Variants in KCNQ1 observed in about 807,000 individuals in gnomAD.
The protein encoded by KCNQ1 is potassium voltage-gated channel subfamily Q member 1, also known as potassium voltage-gated channel subfamily KQT member 1.
Under a neutral mutation model 72.4 loss-of-function variants are expected in KCNQ1, and 49 were observed. The ratio of observed to expected loss-of-function variants is 0.68; its 90% CI spans 0.54 to 0.86. The LOEUF is 0.86. Among genes scored for constraint, KCNQ1 ranks in the 40% least tolerant of loss-of-function variants. The pLI is 0.00. For missense variants in KCNQ1, 790 were observed against 945.1 expected, an observed-to-expected ratio of 0.84 and a Z score of 2.15; for synonymous variants, 450 against 412.6, an observed-to-expected ratio of 1.09 and a Z score of -1.10.
Position 2,687,626 on chromosome 11 carries a change from C to T in KCNQ1, c.1514+25545C>T. 2.5e-6 allele frequency: 1 copy of T among 398,722 alleles called. No homozygotes were observed. Among genetic ancestry groups the T allele is most frequent in the Non-Finnish European group, 4.4e-6 (1 of 226,148 alleles). 24.7% of individuals were successfully genotyped at this position (398,722 alleles called of 1,614,324 possible). On this transcript the variant is annotated intron_variant, in intron 11 of 15. Transcript: ENST00000155840. The surrounding 1 kb of genome is among the most constrained non-coding windows in gnomAD (Gnocchi z 5.0). ...GGGCAGAGATCCCTTCTCCATTCCTCTCAGGCCCCTGTAAAAATTGGGACC... is the reference window on the plus strand; with the variant it reads ...GGGCAGAGATCCCTTCTCCATTCCTTTCAGGCCCCTGTAAAAATTGGGACC...
intron 15 of KCNQ1, among the ~76,000 whole-genome samples, chr11:2,821,214 C>G (rs905758903): frequency 2.6e-5 from 4 of 152,250 alleles, no homozygotes; most frequent in African/African-American, 7.2e-5. Context: ...AAGCCTGGTG[C>G]TCTGTGCGAG....
At chr11:2,662,406 A>G (rs1223755977) in intron 11 of KCNQ1, 3 of 491,670 alleles carry the variant, frequency 6.1e-6, no homozygotes, top group Non-Finnish European at 1.1e-5. Flanking sequence ...CAAAAAAGAG[A>G]CGACTTTGTT....
chr11:2,788,054 C>A (rs1846945926), intron 15 of KCNQ1, among the ~76,000 whole-genome samples: 1 of 152,158 alleles, frequency 6.6e-6, no homozygotes, highest in South Asian at 2.1e-4. Context: ...CAAGGAAATG[C>A]TCAGTGAGTG....
At chr11:2,618,806 C>T (rs1188366538) in intron 10 of KCNQ1, 1 of 398,188 alleles carries the variant, frequency 2.5e-6, no homozygotes, top group Non-Finnish European at 4.4e-6. Context: ...TATTCAGATT[C>T]ATGAGCATGG....
rs975478527 is a variant in KCNQ1, at chr11:2,602,742, G to A, written c.1393+13888G>A. Among the ~76,000 whole-genome samples, 16 of 152,118 alleles carry A rather than the reference G, an allele frequency of 1.1e-4. No individual in the cohort carries two copies. Among genetic ancestry groups the A allele is most frequent in the Non-Finnish European group, 1.5e-4 (10 of 68,024 alleles). Reference sequence around the variant, plus strand: ...TATTCTATGCAGTGAAATTCTTGTTGATATCATTTTTCCATTTCCCAATTA... The same window carrying A: ...TATTCTATGCAGTGAAATTCTTGTTAATATCATTTTTCCATTTCCCAATTA... On this transcript the variant is annotated intron_variant, in intron 10 of 15. Coordinates refer to ENST00000155840, the MANE Select transcript of KCNQ1 (RefSeq NM_000218.3). This position sits in a 1 kb window ranked among gnomAD's most constrained non-coding sequence, Gnocchi z 4.8.
At chr11:2,511,506 AG>A (rs1847203451) in intron 1 of KCNQ1, among the ~76,000 whole-genome samples, 1 of 152,020 alleles carries the variant, frequency 6.6e-6, no homozygotes, top group South Asian at 2.1e-4. Flanking sequence ...CTCCATGACT[AG>A]TGGTTTGTGG....
At position 2,499,527 on chromosome 11, in the gene KCNQ1, C is replaced by T. The variant is rs569425895; in HGVS notation, c.387-28401C>T. On this transcript the variant is annotated intron_variant, in intron 1 of 15. Transcript: ENST00000155840. ...GACAGAGTGGTTGAATGGACCCCTGCCCCCACAAAAAAAGACCCAATTATC... is the reference window on the plus strand; with the variant it reads ...GACAGAGTGGTTGAATGGACCCCTGTCCCCACAAAAAAAGACCCAATTATC... Among the ~76,000 whole-genome samples, 32 of 132,118 alleles carry T rather than the reference C, an allele frequency of 2.4e-4. 1 individual carries two copies. Among genetic ancestry groups the T allele is most frequent in the African/African-American group, 8.6e-4 (31 of 36,054 alleles). 86.7% of individuals were successfully genotyped at this position (132,118 alleles called of 152,430 possible).
chr11:2,534,688 C>T (rs1049396837), intron 2 of KCNQ1, among the ~76,000 whole-genome samples: 1 of 152,242 alleles, frequency 6.6e-6, no homozygotes, highest in African/African-American at 2.4e-5. Flanking sequence ...TGTGGGCTCA[C>T]TTGCCTTTTT....
chr11:2,814,360 TA>T (rs1370504779), intron 15 of KCNQ1, among the ~76,000 whole-genome samples: 1 of 148,056 alleles, frequency 6.8e-6, no homozygotes, highest in Non-Finnish European at 1.5e-5. Context: ...GATGAATGGA[TA>T]AAGAGGTGGA....
chr11:2,542,016 G>A (rs1200298892), intron 2 of KCNQ1, among the ~76,000 whole-genome samples: 1 of 152,216 alleles, frequency 6.6e-6, no homozygotes, highest in African/African-American at 2.4e-5. Flanking sequence ...CGTGCCTGCT[G>A]TGGCTCTCCA....
chr11:2,675,893 T>C (rs1850285280), intron 11 of KCNQ1: 1 of 398,672 alleles, frequency 2.5e-6, no homozygotes, highest in Non-Finnish European at 4.4e-6. Context: ...CTTTATGTAT[T>C]CAAGGGTTGT....
In KCNQ1 at chr11:2,713,446, C is replaced by G. The variant is rs559497413; in HGVS notation, c.1514+51365C>G. 3.6e-4 allele frequency among the ~76,000 whole-genome samples: 55 copies of G among 152,316 alleles called. 1 individual carries two copies. The South Asian group carries it at 9.5e-3, about 26-fold the overall frequency. ...GAAATGGTTTCTTCTCCCCCAGATTCCAGAACAAGTCACAGCCATTGTAGA... is the reference window on the plus strand; with the variant it reads ...GAAATGGTTTCTTCTCCCCCAGATTGCAGAACAAGTCACAGCCATTGTAGA... On this transcript the variant is annotated intron_variant, in intron 11 of 15. Transcript: ENST00000155840. The surrounding 1 kb of genome is among the most constrained non-coding windows in gnomAD (Gnocchi z 5.6).
intron 1 of KCNQ1, among the ~76,000 whole-genome samples, chr11:2,496,409 C>T (rs1309035310): frequency 6.6e-6 from 1 of 150,442 alleles, no homozygotes; most frequent in African/African-American, 2.5e-5. Flanking sequence ...TGCAGTCTGG[C>T]CTGGGCAAAA....
intron 15 of KCNQ1, among the ~76,000 whole-genome samples, chr11:2,795,185 C>T (rs553938350): frequency 2.0e-5 from 3 of 152,334 alleles, no homozygotes; most frequent in African/African-American, 7.2e-5. Flanking sequence ...GCCTCCCCTA[C>T]CCCCGACCTC....
At chr11:2,476,940 C>T (rs752701658) in intron 1 of KCNQ1, among the ~76,000 whole-genome samples, 25 of 152,316 alleles carry the variant, frequency 1.6e-4, no homozygotes, top group Admixed American at 1.0e-3. Context: ...CCACCCACCT[C>T]GGCCTCCCAA....
intron 11 of KCNQ1, chr11:2,685,935 T>C (rs1050796759): frequency 5.0e-6 from 2 of 398,578 alleles, no homozygotes; most frequent in South Asian, 2.5e-4. Flanking sequence ...GGGCCCACTC[T>C]CCCATCCTCC....
intron 1 of KCNQ1, among the ~76,000 whole-genome samples, chr11:2,452,196 ACTGAAAGGGTGCT>A (rs1379866247): frequency 6.6e-6 from 1 of 152,158 alleles, no homozygotes; most frequent in Non-Finnish European, 1.5e-5. Flanking sequence ...TCTGGGGCGC[ACTGAAAGGGTGCT>A]CTGAGTAGCT....
At chr11:2,453,049 G>A (rs1846137410) in intron 1 of KCNQ1, among the ~76,000 whole-genome samples, 1 of 152,222 alleles carries the variant, frequency 6.6e-6, no homozygotes, top group South Asian at 2.1e-4. Flanking sequence ...TAGATGCGTG[G>A]AGGAGATTTA....
rs1847122483 is a variant in KCNQ1, at chr11:2,507,351, G to A, written c.387-20577G>A. On this transcript the variant is annotated intron_variant, in intron 1 of 15. Coordinates refer to ENST00000155840, the MANE Select transcript of KCNQ1 (RefSeq NM_000218.3). The surrounding 1 kb of genome is among the most constrained non-coding windows in gnomAD (Gnocchi z 5.4). ...GTGGAGCATGGAGTGTGGGGTCATC[G>A]GGCAGGACACGAGATGCGCAGGAGG... 1.3e-5 allele frequency among the ~76,000 whole-genome samples: 2 copies of A among 152,168 alleles called. No individual in the cohort carries two copies. Among genetic ancestry groups the A allele is most frequent in the East Asian group, 1.9e-4 (1 of 5,190 alleles).
Sources: gnomAD v4.1 joint callset for allele counts (sites outside exome capture counted in the v4.1 genomes callset) on GRCh38, gnomAD v4.1.1 for gene constraint, Gnocchi (gnomAD v3.1) non-coding constraint, MANE v1.5 for transcripts, NCBI Gene and HGNC (gene_info 2026-07-23, HGNC 2026-07-21) for gene names.